DIP2C: variants seen among roughly 807,000 people sequenced by gnomAD.
The protein encoded by DIP2C is disco-interacting protein 2 homolog C.
Under a neutral mutation model 192.4 loss-of-function variants are expected in DIP2C, and 33 were observed. That is an observed-to-expected ratio of 0.17 (90% CI 0.13 to 0.23). DIP2C has a LOEUF of 0.23. Among genes scored for constraint, DIP2C ranks in the 10% least tolerant of loss-of-function variants. The pLI, the probability that DIP2C is intolerant of heterozygous loss-of-function variation, is 1.00. For missense variants in DIP2C, 1,537 were observed against 2,110.1 expected (o/e 0.73, Z 5.32); for synonymous variants, 979 against 864.1 (o/e 1.13, Z -2.33).
At chr10:639,338 T>C (rs12761669) in intron 1 of DIP2C, among the ~76,000 whole-genome samples, 92 of 19,074 alleles carry the variant, frequency 4.8e-3, no homozygotes, top group East Asian at 7.3e-3. Flanking sequence ...CGTGGGGATG[T>C]GTCAGGTCGG....
rs78475094 is a variant in DIP2C at position 472,555 on chromosome 10, T to G, written c.158-6A>C. 543 of 1,613,084 alleles carry G rather than the reference T, an allele frequency of 3.4e-4. 5 individuals carry two copies. The East Asian group carries it at 0.012, about 36-fold the overall frequency. On this transcript the variant is annotated splice_region_variant and splice_polypyrimidine_tract_variant and intron_variant, in intron 2 of 36. Transcript: ENST00000280886. ...CGGCAAAGCTTGGTCCACCCCTGGA[T>G]TTCAATAAAAACAGCAGAGTGAGGT...
chr10:481,883 T>A (rs1240268717), intron 2 of DIP2C, among the ~76,000 whole-genome samples: 1 of 152,090 alleles, frequency 6.6e-6, no homozygotes, highest in African/African-American at 2.4e-5. Context: ...CACCCACACA[T>A]CCATACAGCA....
chr10:580,587 C>T (rs1478643244), intron 1 of DIP2C, among the ~76,000 whole-genome samples: 3 of 152,106 alleles, frequency 2.0e-5, no homozygotes, highest in African/African-American at 7.2e-5. Context: ...AGTGTACATA[C>T]CTATACATTG....
intron 32 of DIP2C, among the ~76,000 whole-genome samples, chr10:297,492 T>G (rs1489674262): frequency 1.3e-5 from 2 of 152,112 alleles, no homozygotes. Flanking sequence ...GATTCAGCCA[T>G]AACAGAGAAT....
chr10:584,507 G>A (rs948041971), intron 1 of DIP2C, among the ~76,000 whole-genome samples: 3 of 108,620 alleles, frequency 2.8e-5, no homozygotes, highest in Non-Finnish European at 5.4e-5. Flanking sequence ...TCACCTCTCA[G>A]ATAATCTCGG....
Position 288,340 on chromosome 10 carries a change from C to G in DIP2C, c.4044+24G>C, listed in dbSNP as rs149813943. On this transcript the variant is annotated intron_variant, in intron 33 of 36. Coordinates refer to ENST00000280886, the MANE Select transcript of DIP2C (RefSeq NM_014974.3). The stretch of plus-strand genomic sequence containing the variant: ...TCAGAAGCGAACGGATACAGAAATG[C>G]GTGCCTCTTCCTATAATACTTACCT... 5.8e-5 allele frequency: 93 copies of G among 1,607,646 alleles called. No homozygotes were observed. The African/African-American group carries it at 1.2e-3, about 20-fold the overall frequency.
intron 1 of DIP2C, among the ~76,000 whole-genome samples, chr10:634,370 C>T (rs1854708600): frequency 6.6e-6 from 1 of 152,188 alleles, no homozygotes; most frequent in Non-Finnish European, 1.5e-5. Context: ...TTGTCCAGGG[C>T]AGATCCACTC....
At chr10:298,007 C>T (rs1955840524) in intron 32 of DIP2C, among the ~76,000 whole-genome samples, 2 of 152,184 alleles carry the variant, frequency 1.3e-5, no homozygotes, top group Admixed American at 6.5e-5. Context: ...CACTGCCCTA[C>T]AATATGCCCC....
chr10:433,285 T>TA (rs1966910930), intron 4 of DIP2C, among the ~76,000 whole-genome samples: 1 of 152,260 alleles, frequency 6.6e-6, no homozygotes, highest in African/African-American at 2.4e-5. Flanking sequence ...AAAATACATT[T>TA]AAGGATTGTT....
At chr10:401,286 T>C (rs1241677549) in intron 9 of DIP2C, among the ~76,000 whole-genome samples, 1 of 150,976 alleles carries the variant, frequency 6.6e-6, no homozygotes, top group African/African-American at 2.5e-5. Context: ...GCATTAGCAT[T>C]ACTCTTCCTT....
chr10:687,443 T>C (rs1232326529), intron 1 of DIP2C, among the ~76,000 whole-genome samples: 1 of 152,162 alleles, frequency 6.6e-6, no homozygotes, highest in Admixed American at 6.5e-5. Flanking sequence ...AGAGGCTGAA[T>C]AGAGCCACGG....
chr10:313,399 A>T (rs1317301346), intron 31 of DIP2C, among the ~76,000 whole-genome samples: 1 of 152,242 alleles, frequency 6.6e-6, no homozygotes, highest in Non-Finnish European at 1.5e-5. Flanking sequence ...TATAATAAAA[A>T]TGTTAAGCAG....
chr10:306,961 C>T (rs983560606), intron 32 of DIP2C, among the ~76,000 whole-genome samples: 1 of 152,182 alleles, frequency 6.6e-6, no homozygotes. Context: ...CAGGCAGATC[C>T]GTCATGATAG....
chr10:354,693 AG>A (rs903086348), intron 24 of DIP2C, among the ~76,000 whole-genome samples: 1 of 151,942 alleles, frequency 6.6e-6, no homozygotes, highest in Non-Finnish European at 1.5e-5. Flanking sequence ...CAGCTTGCGG[AG>A]GGGTAGCCAC....
At chr10:620,814 C>T (rs964553335) in intron 1 of DIP2C, among the ~76,000 whole-genome samples, 6 of 152,158 alleles carry the variant, frequency 3.9e-5, no homozygotes, top group East Asian at 1.9e-4. Context: ...TGGAGCAGAA[C>T]GCTTCAATTA....
At chr10:305,611 A>G (rs766948827) in intron 32 of DIP2C, among the ~76,000 whole-genome samples, 7 of 152,216 alleles carry the variant, frequency 4.6e-5, no homozygotes, top group Admixed American at 1.3e-4. Flanking sequence ...CTTTACACCA[A>G]TGTAATGTTC....
At chr10:312,257 G>A (rs531431705) in intron 31 of DIP2C, among the ~76,000 whole-genome samples, 6 of 152,270 alleles carry the variant, frequency 3.9e-5, no homozygotes, top group South Asian at 2.1e-4. Flanking sequence ...CCTGCTACCC[G>A]CATTAAATAA....
In DIP2C at chr10:479,580, C is replaced by T. The variant is rs1194569648; in HGVS notation, c.157+6879G>A. Among the ~76,000 whole-genome samples the T allele has an allele frequency of 8.6e-5, 13 of 151,996 alleles. 1 individual carries two copies. In the South Asian group the frequency reaches 1.2e-3, roughly 15 times the overall value. ...TGAACTCTTGACCTCATGATTTGTC[C>T]GCCTCAGCCTCCCAAAGTGCTGGAA... On this transcript the variant is annotated intron_variant, in intron 2 of 36. Transcript: ENST00000280886.
At chr10:623,807 G>A (rs530711313) in intron 1 of DIP2C, among the ~76,000 whole-genome samples, 77 of 152,180 alleles carry the variant, frequency 5.1e-4, no homozygotes, top group African/African-American at 1.5e-3. Flanking sequence ...ATGTAGGGCC[G>A]AGGGCTGGCC....
Sources: allele counts gnomAD v4.1 joint callset (sites outside exome capture counted in the v4.1 genomes callset), GRCh38; gene constraint gnomAD v4.1.1; transcripts MANE v1.5; gene names NCBI Gene and HGNC (gene_info 2026-07-23, HGNC 2026-07-21).